Variants in PXDC1 observed in about 807,000 individuals in gnomAD.
PXDC1 encodes PX domain containing 1, also known as PX domain-containing protein 1.
PXDC1 carries 13 observed loss-of-function variants against 24.4 expected under a neutral mutation model. That is an observed-to-expected ratio of 0.53 (90% CI 0.35 to 0.85). PXDC1 has a LOEUF of 0.85. Ranked by LOEUF, PXDC1 falls within the 40% of genes least tolerant of loss-of-function variation. The pLI is 0.01. For synonymous variants in PXDC1, 162 were observed against 124.9 expected (o/e 1.30, Z -1.98); for missense variants, 344 against 309.3 (o/e 1.11, Z -0.84).
At chr6:3,726,557 G>A (rs980259966) in intron 4 of PXDC1, among the ~76,000 whole-genome samples, 1 of 152,268 alleles carries the variant, frequency 6.6e-6, no homozygotes, top group South Asian at 2.1e-4. Flanking sequence ...ACCCCCCCAT[G>A]CTCAGTCATG....
At position 3,745,511 on chromosome 6, in the gene PXDC1, C is replaced by T. The variant is rs147445844; in HGVS notation, c.256+5765G>A. The stretch of plus-strand genomic sequence containing the variant: ...CTTGCCTGGAATGACATGCAGGTGG[C>T]AAAGCCAGCATCCAATCCCCTAACC... On this transcript the variant is annotated intron_variant, in intron 1 of 4. Transcript: ENST00000380283. Among the ~76,000 whole-genome samples the T allele has an allele frequency of 6.3e-3, 964 of 152,332 alleles. 10 individuals are homozygous for T. The highest frequency in any genetic ancestry group is 0.022 in the African/African-American group (914 of 41,570).
At position 3,727,672 on chromosome 6, in the gene PXDC1, A is replaced by T. The variant is rs372805037; in HGVS notation, c.467-10T>A. On this transcript the variant is annotated splice_polypyrimidine_tract_variant and intron_variant, in intron 3 of 4. Coordinates refer to ENST00000380283, the MANE Select transcript of PXDC1 (RefSeq NM_183373.4). ...TTGGACCTCATGATTTCTGAAAACCAAAGCAACAAGGTGAGTCCTCAGGAG... is the reference window on the plus strand; with the variant it reads ...TTGGACCTCATGATTTCTGAAAACCTAAGCAACAAGGTGAGTCCTCAGGAG... 6.3e-7 allele frequency: 1 copy of T among 1,594,802 alleles called. No individual in the cohort carries two copies. Among genetic ancestry groups the T allele is most frequent in the Non-Finnish European group, 8.6e-7 (1 of 1,162,496 alleles).
intron 3 of PXDC1, among the ~76,000 whole-genome samples, chr6:3,731,921 T>C (rs1012664950): frequency 2.0e-5 from 3 of 152,254 alleles, no homozygotes; most frequent in African/African-American, 7.2e-5. Context: ...CAGGTCCTGC[T>C]GCTGCTGAGG....
chr6:3,723,675 C>G lies in PXDC1; in HGVS notation c.640G>C (p.Val214Leu). 1 of 1,614,176 alleles carries G rather than the reference C, an allele frequency of 6.2e-7. No individual in the cohort carries two copies. Among genetic ancestry groups the G allele is most frequent in the Non-Finnish European group, 8.5e-7 (1 of 1,180,022 alleles). ...AGGTGGTAATATGACAGGTTGGTGACGTAGGCTGCTGGGTCGTCCCCGTCC... is the reference window on the plus strand; with the variant it reads ...AGGTGGTAATATGACAGGTTGGTGAGGTAGGCTGCTGGGTCGTCCCCGTCC... ...LEDGDDPAAYVTNLSYYHLVP... is the reference protein window; with the variant it reads ...LEDGDDPAAYLTNLSYYHLVP... Residue 214 changes from valine (V) to leucine (L), a missense_variant, in exon 5 of 5, where the codon GTC becomes CTC. Coordinates refer to ENST00000380283, the MANE Select transcript of PXDC1 (RefSeq NM_183373.4).
rs1374601742 is a variant in PXDC1 at position 3,728,097 on chromosome 6, C to T, written c.467-435G>A. Among the ~76,000 whole-genome samples the T allele has an allele frequency of 6.6e-6, 1 of 152,198 alleles. No individual in the cohort carries two copies. The highest frequency in any genetic ancestry group is 1.5e-5 in the Non-Finnish European group (1 of 68,024). On this transcript the variant is annotated intron_variant, in intron 3 of 4. Coordinates refer to ENST00000380283, the MANE Select transcript of PXDC1 (RefSeq NM_183373.4). The surrounding 1 kb of genome is among the most constrained non-coding windows in gnomAD (Gnocchi z 4.0). ...GCTGAGACATGAGTAACAATATTGACTGCCCTGGGTTGTTGTTCTGACTGA... is the reference window on the plus strand; with the variant it reads ...GCTGAGACATGAGTAACAATATTGATTGCCCTGGGTTGTTGTTCTGACTGA...
rs751411262 is a variant in PXDC1 at position 3,737,787 on chromosome 6, C to T, written c.348+270G>A. The T allele has an allele frequency of 1.0e-5, 6 of 578,684 alleles. No individual in the cohort carries two copies. The highest frequency in any genetic ancestry group is 1.3e-5 in the Non-Finnish European group (6 of 458,530). 35.8% of individuals were successfully genotyped at this position (578,684 alleles called of 1,614,324 possible). A position where few individuals can be genotyped will look rare whatever the true frequency, so the allele number is the denominator to read the frequency against. On this transcript the variant is annotated intron_variant, in intron 2 of 4. Coordinates refer to ENST00000380283, the MANE Select transcript of PXDC1 (RefSeq NM_183373.4). This position sits in a 1 kb window ranked among gnomAD's most constrained non-coding sequence, Gnocchi z 5.5. The stretch of plus-strand genomic sequence containing the variant: ...CAGCCAGAGGGGATCCGCACCCTTC[C>T]ACCCATGCCTCCTTGCATCCCTCAT...
Position 3,723,447 on chromosome 6 carries a change from G to A in PXDC1, c.*172C>T, listed in dbSNP as rs1025086730. The A allele has an allele frequency of 2.5e-5, 16 of 649,134 alleles. No individual in the cohort carries two copies. In the Admixed American group the frequency reaches 3.8e-4, roughly 15 times the overall value. The allele number at this position is 649,134 out of a possible 1,614,324, so 40.2% of individuals were successfully genotyped here. A position where few individuals can be genotyped will look rare whatever the true frequency, so the allele number is the denominator to read the frequency against. ...CTCTGCGGTCAGCCTGGCCCACTAG[G>A]AGCCCCTGCTGCTCCACTTGCAGGA... On this transcript the variant is annotated 3_prime_UTR_variant, in exon 5 of 5. Coordinates refer to ENST00000380283, the MANE Select transcript of PXDC1 (RefSeq NM_183373.4).
intron 4 of PXDC1, 150 bp downstream of exon 4, chr6:3,727,401 C>A (rs1760091899): frequency 5.1e-6 from 3 of 586,414 alleles, no homozygotes; most frequent in Non-Finnish European, 9.1e-6. Flanking sequence ...CTAGGAAAGG[C>A]AAACTTCTAA....
intron 4 of PXDC1, among the ~76,000 whole-genome samples, chr6:3,726,709 G>T (rs1031875883): frequency 6.6e-6 from 1 of 152,218 alleles, no homozygotes; most frequent in African/African-American, 2.4e-5. Flanking sequence ...GCTATGGAGG[G>T]CTAGCAAATG....
rs200793898 is a variant in PXDC1 at position 3,723,732 on chromosome 6, C to G, written c.583G>C (p.Glu195Gln). The change falls in exon 5 of 5, where the codon GAG becomes CAG. Residue 195 changes from glutamate to glutamine, a missense_variant. Coordinates refer to ENST00000380283, the MANE Select transcript of PXDC1 (RefSeq NM_183373.4). ...LGVDPTEHLFENGSEFPSELE... is the reference protein window; with the variant it reads ...LGVDPTEHLFQNGSEFPSELE... ...TCTGAGGGAAACTCACTGCCATTCT[C>G]AAATCTGAAATTAGAGAAACCAGAG... is the stretch of plus-strand genomic sequence containing the variant. 1.2e-6 allele frequency: 2 copies of G among 1,613,876 alleles called. No individual in the cohort carries two copies. The highest frequency in any genetic ancestry group is 1.3e-5 in the African/African-American group (1 of 75,050).
At chr6:3,750,814 G>A (rs568799786) in intron 1 of PXDC1, among the ~76,000 whole-genome samples, 3 of 152,240 alleles carry the variant, frequency 2.0e-5, no homozygotes, top group Admixed American at 2.0e-4. Flanking sequence ...GGAGAACTCG[G>A]GGCGGCGGCC....
chr6:3,749,961 C>G (rs143480003), intron 1 of PXDC1, among the ~76,000 whole-genome samples: 39 of 152,360 alleles, frequency 2.6e-4, no homozygotes, highest in African/African-American at 9.1e-4. Flanking sequence ...TCATAACAAA[C>G]AGCAAATCCA....
At chr6:3,729,496 C>T (rs562887002) in intron 3 of PXDC1, among the ~76,000 whole-genome samples, 1 of 152,312 alleles carries the variant, frequency 6.6e-6, no homozygotes, top group Admixed American at 6.5e-5. Context: ...CCTGGTAGGG[C>T]TGCAGGTCCT....
chr6:3,751,072 C>A (rs895151520), intron 1 of PXDC1: 3 of 493,450 alleles, frequency 6.1e-6, no homozygotes, highest in Non-Finnish European at 1.0e-5. Flanking sequence ...CGGGGGCGCC[C>A]CCAGGCTGGG....
At position 3,723,293 on chromosome 6, in the gene PXDC1, G is replaced by A. The variant is rs1188210009; in HGVS notation, c.*326C>T. ...ATGCACCTCCCAGGAAGCAGTAGCA[G>A]TGAGAGCGAGCCCCACAGGAACTGT... is the stretch of plus-strand genomic sequence containing the variant. On this transcript the variant is annotated 3_prime_UTR_variant, in exon 5 of 5. Transcript: ENST00000380283. 3 of 293,496 alleles carry A rather than the reference G, an allele frequency of 1.0e-5. No homozygotes were observed. Among genetic ancestry groups the A allele is most frequent in the Middle Eastern group, 2.0e-3 (2 of 1,008 alleles). The allele number at this position is 293,496 out of a possible 1,614,324, so 18.2% of individuals were successfully genotyped here. A position where few individuals can be genotyped will look rare whatever the true frequency, so the allele number is the denominator to read the frequency against.
chr6:3,751,429 C>T lies in PXDC1; in HGVS notation c.103G>A (p.Glu35Lys). Residue 35 changes from glutamate to lysine, a missense_variant, in exon 1 of 5, where the codon GAA (glutamate) becomes AAA (lysine). Transcript: ENST00000380283. ...GTGCGGATCTCGAAGAACTCCTCTT[C>T]GTCGCCGCGCCGGCTGACGATGAGC... ...RRLIVSRRGD[E>K]EEFFEIRTEW... 6 of 1,587,832 alleles carry T rather than the reference C, an allele frequency of 3.8e-6. No individual in the cohort carries two copies. The highest frequency in any genetic ancestry group is 5.1e-6 in the Non-Finnish European group (6 of 1,168,094).
chr6:3,731,354 A>C (rs1342079359), intron 3 of PXDC1, among the ~76,000 whole-genome samples: 1 of 152,236 alleles, frequency 6.6e-6, no homozygotes, highest in Non-Finnish European at 1.5e-5. Flanking sequence ...CTGTCATTCA[A>C]GAAAAATTAT....
In PXDC1 at chr6:3,751,335, C is replaced by A; in HGVS notation, c.197G>T (p.Arg66Leu). Residue 66 changes from arginine to leucine, a missense_variant, in exon 1 of 5, where the codon CGC becomes CTC. Arg to Leu is a moderately radical substitution (Grantham distance 102, BLOSUM62 -2). Coordinates refer to ENST00000380283, the MANE Select transcript of PXDC1 (RefSeq NM_183373.4). ...SLADLGRLWQ[R>L]LRDAFPEDRS... ...GTCCTCGGGAAAGGCGTCGCGCAGG[C>A]GCTGCCACAGGCGGCCCAGGTCCGC... The A allele has an allele frequency of 6.4e-7, 1 of 1,551,888 alleles. No homozygotes were observed. Among genetic ancestry groups the A allele is most frequent in the Non-Finnish European group, 8.7e-7 (1 of 1,152,266 alleles).
Position 3,724,093 on chromosome 6 carries a change from C to G in PXDC1, c.579-357G>C, listed in dbSNP as rs1760002422. Reference sequence around the variant, plus strand: ...CTGTCCTCAGGGAAGAGGCGCCTGCCTCGTGCTGGGCCCTGGGGACAGCTG... The same window carrying G: ...CTGTCCTCAGGGAAGAGGCGCCTGCGTCGTGCTGGGCCCTGGGGACAGCTG... On this transcript the variant is annotated intron_variant, in intron 4 of 4. Transcript: ENST00000380283. The surrounding 1 kb of genome is among the most constrained non-coding windows in gnomAD (Gnocchi z 4.5). Among the ~76,000 whole-genome samples, 1 of 152,172 alleles carries G rather than the reference C, an allele frequency of 6.6e-6. No homozygotes were observed. The highest frequency in any genetic ancestry group is 2.4e-5 in the African/African-American group (1 of 41,428).
Sources: allele counts gnomAD v4.1 joint callset (sites outside exome capture counted in the v4.1 genomes callset), GRCh38; gene constraint gnomAD v4.1.1; non-coding constraint Gnocchi (gnomAD v3.1); transcripts MANE v1.5; gene names NCBI Gene and HGNC (gene_info 2026-07-23, HGNC 2026-07-21).